CSMD3: variants seen among roughly 807,000 people sequenced by gnomAD.
The protein encoded by CSMD3 is CUB and sushi domain-containing protein 3.
CSMD3 carries 177 observed loss-of-function variants against 435.2 expected under a neutral mutation model. The observed-to-expected ratio is 0.41, with a 90% confidence interval of 0.36 to 0.46. The LOEUF (loss-of-function observed/expected upper bound fraction) is 0.46, where lower values mean the gene tolerates loss of function less well. CSMD3 is among the 20% of genes least tolerant of loss of function. The pLI is 0.34. For missense variants in CSMD3, 4,265 were observed against 4,504.6 expected (o/e 0.95, Z 1.52); for synonymous variants, 1,656 against 1,520.5 (o/e 1.09, Z -2.07).
chr8:113,312,182 G>C (rs1356617013), intron 2 of CSMD3: 1 of 152,056 alleles, frequency 6.6e-6, no homozygotes, highest in Admixed American at 6.6e-5. Flanking sequence ...TGTAATGATA[G>C]TTCTGCCTTT....
chr8:112,697,204 T>C (rs2076277337), intron 13 of CSMD3, among the ~76,000 whole-genome samples: 1 of 152,218 alleles, frequency 6.6e-6, no homozygotes, highest in African/African-American at 2.4e-5. Context: ...AAATACCATT[T>C]GACCCAGCCA....
At position 113,414,828 on chromosome 8, in the gene CSMD3, G is replaced by A. The variant is rs576922562; in HGVS notation, c.178+21849C>T. 3.1e-4 allele frequency among the ~76,000 whole-genome samples: 47 copies of A among 152,026 alleles called. 2 individuals are homozygous for A. The South Asian group carries it at 7.3e-3, about 24-fold the overall frequency. On this transcript the variant is annotated intron_variant, in intron 1 of 70. Coordinates refer to ENST00000297405, the MANE Select transcript of CSMD3 (RefSeq NM_198123.2). Reference sequence around the variant, plus strand: ...ATACAAAACAAATAATTAGCTGGGCGTGGTGGCATGCACTTGTAGTCCAGC... The same window carrying A: ...ATACAAAACAAATAATTAGCTGGGCATGGTGGCATGCACTTGTAGTCCAGC...
rs530181519 is a variant in CSMD3, at chr8:112,441,372, T to C, written c.5395+31219A>G. 1.2e-4 allele frequency among the ~76,000 whole-genome samples: 18 copies of C among 152,240 alleles called. No homozygotes were observed. The South Asian group carries it at 3.7e-3, about 32-fold the overall frequency. ...AGAAGTTCCATACTTTCCCACATCT[T>C]TCTGTATTCTGAGCCTTCCCAGTTT... On this transcript the variant is annotated intron_variant, in intron 32 of 70. Transcript: ENST00000297405.
At chr8:112,535,157 G>A (rs981859835) in intron 27 of CSMD3, among the ~76,000 whole-genome samples, 9 of 151,402 alleles carry the variant, frequency 5.9e-5, no homozygotes, top group African/African-American at 2.2e-4. Context: ...CATAGTGTTG[G>A]AAGTTCTGGC....
chr8:112,562,270 G>A (rs1410693590), intron 24 of CSMD3, among the ~76,000 whole-genome samples: 1 of 151,494 alleles, frequency 6.6e-6, no homozygotes, highest in Non-Finnish European at 1.5e-5. Flanking sequence ...AACACTACCA[G>A]TAATACAAAT....
chr8:113,188,961 GA>G (rs1221100066), intron 3 of CSMD3, among the ~76,000 whole-genome samples: 2 of 151,756 alleles, frequency 1.3e-5, no homozygotes, highest in African/African-American at 4.8e-5. Context: ...GGTTCATACT[GA>G]AAAGGTGATC....
chr8:113,083,689 C>T (rs2089650859), intron 5 of CSMD3, among the ~76,000 whole-genome samples: 2 of 150,420 alleles, frequency 1.3e-5, no homozygotes, highest in Non-Finnish European at 3.0e-5. Flanking sequence ...GTAGATCTCA[C>T]CTATCTACAA....
At chr8:112,374,704 T>C in intron 38 of CSMD3, among the ~76,000 whole-genome samples, 1 of 152,210 alleles carries the variant, frequency 6.6e-6, no homozygotes, top group East Asian at 1.9e-4. Flanking sequence ...AATGCTTTGA[T>C]GTCTTAGTTA....
chr8:112,234,880 A>T (rs997783658), intron 67 of CSMD3, among the ~76,000 whole-genome samples: 1 of 152,218 alleles, frequency 6.6e-6, no homozygotes, highest in African/African-American at 2.4e-5. Context: ...CAACTCAGTG[A>T]AAAACAGTAT....
At chr8:113,246,737 G>A (rs1368148014) in intron 3 of CSMD3, among the ~76,000 whole-genome samples, 6 of 152,076 alleles carry the variant, frequency 3.9e-5, no homozygotes, top group African/African-American at 1.4e-4. Context: ...TCTTGTCACT[G>A]TTTGTTGTGG....
intron 2 of CSMD3, among the ~76,000 whole-genome samples, chr8:113,297,522 T>C (rs2093731675): frequency 6.6e-6 from 1 of 150,742 alleles, no homozygotes; most frequent in South Asian, 2.1e-4. Flanking sequence ...CAAGAAAACA[T>C]TTAGTTTAAT....
At chr8:113,083,723 T>A (rs2089651718) in intron 5 of CSMD3, among the ~76,000 whole-genome samples, 1 of 152,044 alleles carries the variant, frequency 6.6e-6, no homozygotes, top group African/African-American at 2.4e-5. Context: ...CAATTTAAAA[T>A]TTTCAATTGA....
intron 23 of CSMD3, among the ~76,000 whole-genome samples, 183 bp from the exon 24 acceptor site, chr8:112,573,840 T>G (rs917829317): frequency 6.6e-6 from 1 of 152,026 alleles, no homozygotes; most frequent in African/African-American, 2.4e-5. Flanking sequence ...AATTCACATG[T>G]ATAATTTTAA....
intron 3 of CSMD3, among the ~76,000 whole-genome samples, chr8:113,175,405 T>A (rs529615185): frequency 1.6e-4 from 24 of 151,994 alleles, no homozygotes; most frequent in African/African-American, 5.5e-4. Flanking sequence ...TGGCTAATAT[T>A]TACTAAACAT....
At chr8:112,310,746 A>G (rs1330625015) in intron 50 of CSMD3, 9 of 600,606 alleles carry the variant, frequency 1.5e-5, no homozygotes, top group Non-Finnish European at 2.4e-5. Flanking sequence ...ATACAAGGGG[A>G]AAAAGTCAAG....
intron 22 of CSMD3, among the ~76,000 whole-genome samples, chr8:112,619,901 C>G (rs532404915): frequency 6.6e-6 from 1 of 152,020 alleles, no homozygotes; most frequent in South Asian, 2.1e-4. Context: ...CCCATGAGAT[C>G]TAAAATGATG....
rs371392863 is a variant in CSMD3 at position 113,245,180 on chromosome 8, A to G, written c.514+33412T>C. Reference sequence around the variant, plus strand: ...AAAGTGTCTCTTTTGGATGGTATAGAGTTGGGTCATTTTAAACGTACATTC... The same window carrying G: ...AAAGTGTCTCTTTTGGATGGTATAGGGTTGGGTCATTTTAAACGTACATTC... On this transcript the variant is annotated intron_variant, in intron 3 of 70. Transcript: ENST00000297405. Among the ~76,000 whole-genome samples the G allele has an allele frequency of 2.6e-4, 40 of 152,160 alleles. 1 individual carries two copies. In the South Asian group the frequency reaches 7.7e-3, roughly 29 times the overall value.
At chr8:112,294,754 T>A (rs541384718) in intron 54 of CSMD3, among the ~76,000 whole-genome samples, 188 of 152,236 alleles carry the variant, frequency 1.2e-3, no homozygotes, top group African/African-American at 4.4e-3. Context: ...CTAATCAACC[T>A]AAAAGATCAC....
At chr8:113,065,415 C>T (rs774870244) in intron 5 of CSMD3, among the ~76,000 whole-genome samples, 1 of 151,888 alleles carries the variant, frequency 6.6e-6, no homozygotes, top group Non-Finnish European at 1.5e-5. Context: ...CAGACGGAGT[C>T]TCGCTCTGTC....
Sources: allele counts gnomAD v4.1 joint callset (sites outside exome capture counted in the v4.1 genomes callset), GRCh38; gene constraint gnomAD v4.1.1; transcripts MANE v1.5; gene names NCBI Gene and HGNC (gene_info 2026-07-23, HGNC 2026-07-21).